The following TMBIM4 variants were observed in gnomAD, a reference collection of about 807,000 sequenced individuals.
TMBIM4 encodes the protein transmembrane BAX inhibitor motif containing 4, also known as protein lifeguard 4.
A neutral mutation model predicts 27.7 loss-of-function variants in TMBIM4; 28 were observed. That is an observed-to-expected ratio of 1.01 (90% CI 0.75 to 1.38). The LOEUF (loss-of-function observed/expected upper bound fraction) is 1.38, where lower values mean the gene tolerates loss of function less well. TMBIM4 is among the 40% of genes most tolerant of loss of function. TMBIM4 has a pLI of 0.00. For missense variants in TMBIM4, 265 were observed against 277.5 expected (o/e 0.95, Z 0.32); for synonymous variants, 115 against 113.1 (o/e 1.02, Z -0.11).
chr12:66,140,085 T>A lies in TMBIM4; in HGVS notation c.465-1316A>T, dbSNP rs1404226560. Among the ~76,000 whole-genome samples the A allele has an allele frequency of 2.0e-5, 3 of 152,072 alleles. 1 individual carries two copies. The highest frequency in any genetic ancestry group is 4.1e-4 in the South Asian group (2 of 4,828). On this transcript the variant is annotated intron_variant, in intron 5 of 6. Transcript: ENST00000358230. ...AATTCAGCACCCAACCATGTAAAATTTATAATGACCAGCATCCAATAAAAA... is the reference window on the plus strand; with the variant it reads ...AATTCAGCACCCAACCATGTAAAATATATAATGACCAGCATCCAATAAAAA...
Position 66,156,057 on chromosome 12 carries a change from T to C in TMBIM4, c.98-2609A>G, listed in dbSNP as rs548386188. On this transcript the variant is annotated intron_variant, in intron 1 of 6. Transcript: ENST00000358230. ...CCAGACCATAACTTTTTCTATACTT[T>C]AGTATCATAAGCCAAATCCCAGGCA... Among the ~76,000 whole-genome samples the C allele has an allele frequency of 9.2e-5, 14 of 152,306 alleles. No individual in the cohort carries two copies. The South Asian group carries it at 2.5e-3, about 27-fold the overall frequency.
intron 1 of TMBIM4, among the ~76,000 whole-genome samples, chr12:66,154,985 TTAGAGA>T (rs2051908317): frequency 6.6e-6 from 1 of 152,184 alleles, no homozygotes; most frequent in African/African-American, 2.4e-5. Flanking sequence ...GTATTTTGGC[TTAGAGA>T]TAAACAGTTC....
chr12:66,151,640 A>G (rs2051847053), intron 3 of TMBIM4, among the ~76,000 whole-genome samples: 1 of 152,222 alleles, frequency 6.6e-6, no homozygotes, highest in South Asian at 2.1e-4. Context: ...TAGACAGATA[A>G]CTTGAGGCTT....
chr12:66,150,170 T>C (rs1181452656), intron 3 of TMBIM4, among the ~76,000 whole-genome samples: 1 of 152,126 alleles, frequency 6.6e-6, no homozygotes, highest in Non-Finnish European at 1.5e-5. Context: ...CAGAAATCAG[T>C]CTTTCTGAGA....
In TMBIM4 at chr12:66,152,259, C is replaced by CA. The variant is rs1483040147; in HGVS notation, c.312+11dup. On this transcript the variant is annotated intron_variant, in intron 3 of 6. Transcript: ENST00000358230. Reference sequence around the variant, plus strand: ...TAATTGTTAAGGGAATAGAGAAAGTCAGAGTACTCACAAATCCAAAAAGTA... The same window carrying CA: ...TAATTGTTAAGGGAATAGAGAAAGTCAAGAGTACTCACAAATCCAAAAAGTA... 1 of 1,503,732 alleles carries CA rather than the reference C, an allele frequency of 6.7e-7. No individual in the cohort carries two copies. The highest frequency in any genetic ancestry group is 9.1e-7 in the Non-Finnish European group (1 of 1,097,122). 93.1% of individuals were successfully genotyped at this position (1,503,732 alleles called of 1,614,324 possible).
intron 5 of TMBIM4, among the ~76,000 whole-genome samples, chr12:66,141,119 G>A (rs1356802272): frequency 1.3e-5 from 2 of 151,984 alleles, no homozygotes; most frequent in Non-Finnish European, 2.9e-5. Context: ...TTAAAAAGAA[G>A]TCCCTTAGTC....
intron 5 of TMBIM4, among the ~76,000 whole-genome samples, chr12:66,139,424 A>G (rs1417185429): frequency 6.6e-6 from 1 of 152,222 alleles, no homozygotes; most frequent in African/African-American, 2.4e-5. Flanking sequence ...AAAACCAGAC[A>G]AAATATATGA....
At chr12:66,161,055 G>C (rs1041413842) in intron 1 of TMBIM4, 3 of 152,200 alleles carry the variant, frequency 2.0e-5, no homozygotes, top group Non-Finnish European at 4.4e-5. Flanking sequence ...GCCGGGCAGA[G>C]GAACTCCTCA....
intron 1 of TMBIM4, among the ~76,000 whole-genome samples, chr12:66,156,538 CTT>C (rs1357811599): frequency 6.6e-6 from 1 of 152,196 alleles, no homozygotes; most frequent in African/African-American, 2.4e-5. Context: ...TGCTTTCACT[CTT>C]GTCCCACCTA....
At chr12:66,160,405 G>A in intron 1 of TMBIM4, 2 of 560,118 alleles carry the variant, frequency 3.6e-6, no homozygotes, top group East Asian at 2.9e-5. Context: ...AATTTACAAA[G>A]ATATAAAAGG....
At chr12:66,139,861 G>T (rs2051638872) in intron 5 of TMBIM4, among the ~76,000 whole-genome samples, 1 of 152,124 alleles carries the variant, frequency 6.6e-6, no homozygotes, top group South Asian at 2.1e-4. Context: ...ACACAAGCTG[G>T]AGTAGAAAGA....
chr12:66,136,252 G>A lies in TMBIM4; in HGVS notation c.*1708C>T, dbSNP rs34645929. On this transcript the variant is annotated 3_prime_UTR_variant, in exon 7 of 7. Coordinates refer to ENST00000358230, the MANE Select transcript of TMBIM4 (RefSeq NM_016056.4). ...AGACCTAAGGAAGGATAAATAATTC[G>A]CCAAATGTCACTTAAGCACCTGGTT... 0.3 allele frequency: 45,222 copies of A among 151,922 alleles called. 7,286 individuals carry two copies. The highest frequency in any genetic ancestry group is 0.41 in the South Asian group (1,959 of 4,816). The allele number at this position is 151,922 out of a possible 1,614,324, so 9.4% of individuals were successfully genotyped here.
rs79572816 is a variant in TMBIM4, at chr12:66,154,235, G to C, written c.98-787C>G. Among the ~76,000 whole-genome samples, 161 of 152,218 alleles carry C rather than the reference G, an allele frequency of 1.1e-3. 3 individuals carry two copies. The East Asian group carries it at 0.02, about 19-fold the overall frequency. On this transcript the variant is annotated intron_variant, in intron 1 of 6. Transcript: ENST00000358230. Reference sequence around the variant, plus strand: ...ATCTTTCAAGATGCAGCCTTTCTCAGTTCCGCATTCTGAATTAGATGTTTC... The same window carrying C: ...ATCTTTCAAGATGCAGCCTTTCTCACTTCCGCATTCTGAATTAGATGTTTC...
intron 4 of TMBIM4, among the ~76,000 whole-genome samples, chr12:66,147,560 A>G (rs1327816490): frequency 6.6e-6 from 1 of 152,216 alleles, no homozygotes; most frequent in Non-Finnish European, 1.5e-5. Flanking sequence ...AAGCTCATAC[A>G]TATGATCAAA....
At chr12:66,141,197 T>G (rs1304343152) in intron 5 of TMBIM4, among the ~76,000 whole-genome samples, 1 of 152,086 alleles carries the variant, frequency 6.6e-6, no homozygotes, top group Non-Finnish European at 1.5e-5. Flanking sequence ...GCAAATACAT[T>G]GGTGAACATA....
Position 66,138,159 on chromosome 12 carries a change from A to G in TMBIM4, c.518T>C (p.Phe173Ser). The G allele has an allele frequency of 1.2e-6, 2 of 1,608,558 alleles. No individual in the cohort carries two copies. The highest frequency in any genetic ancestry group is 2.2e-5 in the South Asian group (2 of 89,478). The part of the protein sequence containing the change: ...LCLSGFLKFF[F>S]YSEIMELVLA... The stretch of plus-strand genomic sequence containing the variant: ...GACCAACTCCATTATCTCACTATAA[A>G]AAAAAAACTATAGGGAAGAGATTAA... Residue 173 changes from phenylalanine to serine, a missense_variant, in exon 7 of 7, where the codon TTT (phenylalanine) becomes TCT (serine). Transcript: ENST00000358230.
chr12:66,149,759 A>G (rs139841194), intron 3 of TMBIM4, among the ~76,000 whole-genome samples: 87 of 152,308 alleles, frequency 5.7e-4, no homozygotes, highest in Middle Eastern at 3.4e-3. Context: ...AGAATCACCA[A>G]TGCTTAAAGT....
intron 5 of TMBIM4, among the ~76,000 whole-genome samples, chr12:66,144,056 C>A (rs772675278): frequency 2.0e-5 from 3 of 152,002 alleles, no homozygotes; most frequent in Non-Finnish European, 4.4e-5. Flanking sequence ...ATACCAAGAG[C>A]AGTAGTGAAG....
rs373647922 is a variant in TMBIM4 at position 66,136,414 on chromosome 12, T to C, written c.*1546A>G. On this transcript the variant is annotated 3_prime_UTR_variant, in exon 7 of 7. Coordinates refer to ENST00000358230, the MANE Select transcript of TMBIM4 (RefSeq NM_016056.4). ...CATCTACAAATCATGCAAGCTTAAA[T>C]TGATACTACAAGTTTATTTCAACTT... The C allele has an allele frequency of 1.3e-5, 2 of 154,286 alleles. No individual in the cohort carries two copies. The highest frequency in any genetic ancestry group is 4.8e-5 in the African/African-American group (2 of 41,504). The allele number at this position is 154,286 out of a possible 1,614,324, so 9.6% of individuals were successfully genotyped here.
Sources: gnomAD v4.1 joint callset for allele counts (sites outside exome capture counted in the v4.1 genomes callset) on GRCh38, gnomAD v4.1.1 for gene constraint, MANE v1.5 for transcripts, NCBI Gene and HGNC (gene_info 2026-07-23, HGNC 2026-07-21) for gene names.